Variants in SIRPA observed in about 807,000 individuals in gnomAD.
SIRPA encodes the protein signal regulatory protein alpha.
Under a neutral mutation model 50.3 loss-of-function variants are expected in SIRPA, and 9 were observed. The ratio of observed to expected loss-of-function variants is 0.18; its 90% CI spans 0.11 to 0.31. The LOEUF (loss-of-function observed/expected upper bound fraction) is 0.31. Among genes scored for constraint, SIRPA ranks in the 10% least tolerant of loss-of-function variants. The pLI, the probability that SIRPA is intolerant of heterozygous loss-of-function variation, is 1.00. For missense variants in SIRPA, 474 were observed against 661.6 expected, an observed-to-expected ratio of 0.72 and a Z score of 3.11; for synonymous variants, 265 against 284.1, an observed-to-expected ratio of 0.93 and a Z score of 0.68.
At chr20:1,906,272 A>C (rs1813362321) in intron 1 of SIRPA, among the ~76,000 whole-genome samples, 1 of 152,240 alleles carries the variant, frequency 6.6e-6, no homozygotes, top group African/African-American at 2.4e-5. Context: ...AGTGCCAGGC[A>C]CTGCTCCAAC....
At chr20:1,901,275 A>G (rs1984191968) in intron 1 of SIRPA, among the ~76,000 whole-genome samples, 1 of 144,044 alleles carries the variant, frequency 6.9e-6, no homozygotes, top group South Asian at 2.1e-4. Flanking sequence ...GGTCCAAGCA[A>G]TTCTCCTATC....
intron 1 of SIRPA, among the ~76,000 whole-genome samples, chr20:1,908,401 C>T (rs1432751965): frequency 2.0e-5 from 3 of 151,950 alleles, no homozygotes; most frequent in East Asian, 3.9e-4. Context: ...ACGTGCATGC[C>T]GCTCCTGCAT....
intron 1 of SIRPA, among the ~76,000 whole-genome samples, chr20:1,905,802 A>G (rs2123022648): frequency 6.6e-6 from 1 of 152,382 alleles, no homozygotes; most frequent in South Asian, 2.1e-4. Flanking sequence ...AAACAGGGTC[A>G]CACTGCAAGC....
At chr20:1,905,213 C>T (rs1335791594) in intron 1 of SIRPA, among the ~76,000 whole-genome samples, 6 of 152,162 alleles carry the variant, frequency 3.9e-5, no homozygotes, top group Admixed American at 6.5e-5. Context: ...TTAATAAATG[C>T]GTGTTGCTTT....
Position 1,924,970 on chromosome 20 carries a change from C to A in SIRPA, c.1201+93C>A. On this transcript the variant is annotated intron_variant, in intron 5 of 7. Coordinates refer to ENST00000358771, the MANE Select transcript of SIRPA (RefSeq NM_001040023.2). The surrounding 1 kb of genome is among the most constrained non-coding windows in gnomAD (Gnocchi z 4.5). ...AGGTGCTTTGGGTTAAGGACATCAG[C>A]TTCTGCCAGTAGCAAGAAGTCCAGA... is the stretch of plus-strand genomic sequence containing the variant. The A allele has an allele frequency of 3.1e-6, 3 of 963,036 alleles. No homozygotes were observed. Among genetic ancestry groups the A allele is most frequent in the Non-Finnish European group, 3.3e-6 (2 of 609,230 alleles). 59.7% of individuals were successfully genotyped at this position (963,036 alleles called of 1,614,324 possible).
At chr20:1,922,054 T>G (rs966579510) in intron 3 of SIRPA, among the ~76,000 whole-genome samples, 1 of 152,224 alleles carries the variant, frequency 6.6e-6, no homozygotes, top group Non-Finnish European at 1.5e-5. Context: ...TCCAACTGCA[T>G]GCCAGGGGTG....
At chr20:1,903,124 A>G (rs746291164) in intron 1 of SIRPA, among the ~76,000 whole-genome samples, 11 of 152,112 alleles carry the variant, frequency 7.2e-5, no homozygotes, top group South Asian at 2.1e-4. Context: ...GCCCTGAGGC[A>G]GGAATGAGCT....
Position 1,928,308 on chromosome 20 carries a change from G to A in SIRPA, c.1226+409G>A, listed in dbSNP as rs915166151. 6.6e-6 allele frequency among the ~76,000 whole-genome samples: 1 copy of A among 152,192 alleles called. No homozygotes were observed. The highest frequency in any genetic ancestry group is 1.5e-5 in the Non-Finnish European group (1 of 68,040). On this transcript the variant is annotated intron_variant, in intron 6 of 7. Coordinates refer to ENST00000358771, the MANE Select transcript of SIRPA (RefSeq NM_001040023.2). The surrounding 1 kb of genome is among the most constrained non-coding windows in gnomAD (Gnocchi z 4.9). ...GAGTACCTTGGCGTGCTGTGACCCT[G>A]GAATGCCGGGATGAGTAGGATAGAA...
chr20:1,908,522 A>G (rs994581962), intron 1 of SIRPA, among the ~76,000 whole-genome samples: 3 of 152,094 alleles, frequency 2.0e-5, no homozygotes, highest in African/African-American at 4.8e-5. Flanking sequence ...CCCCCCATTC[A>G]GACACAGTCC....
rs1216414027 is a variant in SIRPA, at chr20:1,934,557, G to T, written c.1227-158G>T. On this transcript the variant is annotated intron_variant, in intron 6 of 7. Transcript: ENST00000358771. The surrounding 1 kb of genome is among the most constrained non-coding windows in gnomAD (Gnocchi z 4.6). The stretch of plus-strand genomic sequence containing the variant: ...CCTTTTTAGTGAGATTGACCCCTTT[G>T]TCCAAACATTTGATATGCAGTTGTA... Among the ~76,000 whole-genome samples the T allele has an allele frequency of 1.3e-5, 2 of 152,138 alleles. No homozygotes were observed. The highest frequency in any genetic ancestry group is 2.9e-5 in the Non-Finnish European group (2 of 68,032).
At position 1,925,607 on chromosome 20, in the gene SIRPA, C is replaced by T. The variant is rs1465720729; in HGVS notation, c.1201+730C>T. On this transcript the variant is annotated intron_variant, in intron 5 of 7. Coordinates refer to ENST00000358771, the MANE Select transcript of SIRPA (RefSeq NM_001040023.2). ...AGGGTTGGTTGTTGCTGTGGCAGGG[C>T]CTCTGACTTTGAAGTCAGACAAACC... 2.6e-5 allele frequency among the ~76,000 whole-genome samples: 4 copies of T among 152,124 alleles called. No homozygotes were observed. In the East Asian group the frequency reaches 7.7e-4, roughly 29 times the overall value.
rs752127082 is a variant in SIRPA at position 1,921,532 on chromosome 20, T to C, written c.574T>C (p.Ser192Pro). 11 of 1,614,042 alleles carry C rather than the reference T, an allele frequency of 6.8e-6. No homozygotes were observed. Among genetic ancestry groups the C allele is most frequent in the Non-Finnish European group, 8.5e-7 (1 of 1,180,032 alleles). Residue 192 changes from serine to proline, a missense_variant, in exon 3 of 8, where the codon TCA becomes CCA. Ser to Pro is a moderately conservative substitution (Grantham distance 74, BLOSUM62 -1). Around this residue, in one of 4 missense-constraint regions of SIRPA, gnomAD observed 221 missense variants for 359.9 expected, o/e 0.61. Transcript: ENST00000358771. ...ATGGTTCAAAAATGGGAATGAGCTC[T>C]CAGACTTCCAGACCAACGTGGACCC... ...LKWFKNGNEL[S>P]DFQTNVDPVG...
chr20:1,900,332 C>T (rs1446955812), intron 1 of SIRPA, among the ~76,000 whole-genome samples: 1 of 152,034 alleles, frequency 6.6e-6, no homozygotes, highest in Non-Finnish European at 1.5e-5. Context: ...ACTCCTGACC[C>T]CAGGTGATCC....
chr20:1,939,887 A>G lies in SIRPA; in HGVS notation c.*2319A>G, dbSNP rs1260238618. ...ATTTTTGTAATAAAGATTTCTGGGT[A>G]ATAATGAGTCCTTCCGGTGTTCAGT... On this transcript the variant is annotated 3_prime_UTR_variant, in exon 8 of 8. Transcript: ENST00000358771. This position sits in a 1 kb window ranked among gnomAD's most constrained non-coding sequence, Gnocchi z 4.7. 6.6e-6 allele frequency: 1 copy of G among 152,668 alleles called. No homozygotes were observed. Among genetic ancestry groups the G allele is most frequent in the Non-Finnish European group, 1.5e-5 (1 of 68,034 alleles). The allele number at this position is 152,668 out of a possible 1,614,324, so 9.5% of individuals were successfully genotyped here. A position where few individuals can be genotyped will look rare whatever the true frequency, so the allele number is the denominator to read the frequency against.
At chr20:1,913,246 C>T (rs556562833) in intron 1 of SIRPA, among the ~76,000 whole-genome samples, 5 of 152,310 alleles carry the variant, frequency 3.3e-5, no homozygotes, top group East Asian at 1.9e-4. Context: ...CCATGAGAAC[C>T]GGGCCCCAAG....
At chr20:1,919,872 A>C (rs964757983) in intron 2 of SIRPA, among the ~76,000 whole-genome samples, 2 of 152,204 alleles carry the variant, frequency 1.3e-5, no homozygotes, top group Non-Finnish European at 2.9e-5. Context: ...GTCATGAGCC[A>C]CAGGGAGCAG....
intron 1 of SIRPA, among the ~76,000 whole-genome samples, 180 bp from the exon 2 acceptor site, chr20:1,914,919 G>C (rs1985141977): frequency 6.6e-6 from 1 of 152,148 alleles, no homozygotes; most frequent in Non-Finnish European, 1.5e-5. Flanking sequence ...TCCCCACTTA[G>C]AATACAGGCT....
chr20:1,895,458 C>T lies in SIRPA; in HGVS notation c.11C>T (p.Ala4Val). The T allele has an allele frequency of 1.4e-6, 2 of 1,420,466 alleles. No homozygotes were observed. Among genetic ancestry groups the T allele is most frequent in the Non-Finnish European group, 1.8e-6 (2 of 1,094,522 alleles). 88.0% of individuals were successfully genotyped at this position (1,420,466 alleles called of 1,614,324 possible). Residue 4 changes from alanine to valine, a missense_variant, in exon 1 of 8, where the codon GCC becomes GTC. Coordinates refer to ENST00000358771, the MANE Select transcript of SIRPA (RefSeq NM_001040023.2). ...CCGCAGCCGCGGCCCATGGAGCCCG[C>T]CGGCCCGGCCCCCGGCCGCCTCGGG... MEP[A>V]GPAPGRLGPL... is the part of the protein sequence containing the mutation.
chr20:1,925,120 C>T (rs1212366342), intron 5 of SIRPA, among the ~76,000 whole-genome samples: 1 of 152,116 alleles, frequency 6.6e-6, no homozygotes, highest in Non-Finnish European at 1.5e-5. Flanking sequence ...CCTCAAGGGG[C>T]CACTACTGAG....
Sources: allele counts gnomAD v4.1 joint callset (sites outside exome capture counted in the v4.1 genomes callset), GRCh38; gene constraint gnomAD v4.1.1; regional missense constraint gnomAD v4.1.1; non-coding constraint Gnocchi (gnomAD v3.1); transcripts MANE v1.5; gene names NCBI Gene and HGNC (gene_info 2026-07-23, HGNC 2026-07-21).